CEACAM4: variants seen among roughly 807,000 people sequenced by gnomAD.
CEACAM4 encodes the protein cell adhesion molecule CEACAM4.
A neutral mutation model predicts 28.7 loss-of-function variants in CEACAM4; 30 were observed. The observed-to-expected ratio is 1.05, with a 90% CI of 0.78 to 1.42. The LOEUF (loss-of-function observed/expected upper bound fraction) is 1.42, where lower values mean the gene tolerates loss of function less well. Ranked by LOEUF, CEACAM4 falls within the 40% of genes most tolerant of loss-of-function variation. CEACAM4 has a pLI of 0.00. For synonymous variants in CEACAM4, 143 were observed against 126.5 expected (o/e 1.13, Z -0.87); for missense variants, 330 against 308.2 (o/e 1.07, Z -0.53).
downstream of CEACAM4, among the ~76,000 whole-genome samples, chr19:41,615,462 G>GGAT (rs1354915421): frequency 2.0e-5 from 3 of 152,040 alleles, no homozygotes; most frequent in Non-Finnish European, 4.4e-5. Flanking sequence ...CCTTGGGTGA[G>GGAT]GATGTCAGGG....
chr19:41,623,803 T>A (rs2071467269), intron 2 of CEACAM4, among the ~76,000 whole-genome samples: 1 of 152,178 alleles, frequency 6.6e-6, no homozygotes, highest in Non-Finnish European at 1.5e-5. Context: ...GGCATATTTT[T>A]AAATATTTAC....
chr19:41,616,586 G>T (rs528393676), downstream of CEACAM4, among the ~76,000 whole-genome samples: 6 of 152,180 alleles, frequency 3.9e-5, no homozygotes, highest in African/African-American at 1.2e-4. Context: ...CCCTGAGGAG[G>T]ATTATTTGCC....
At chr19:41,625,991 TG>T (rs782735398) in intron 1 of CEACAM4, 31 bp from the exon 2 acceptor site, 3 of 1,573,512 alleles carry the variant, frequency 1.9e-6, no homozygotes, top group Non-Finnish European at 2.6e-6. Flanking sequence ...CAGTCAATAC[TG>T]GGACCTATGG....
chr19:41,616,483 T>G (rs575539479), downstream of CEACAM4, among the ~76,000 whole-genome samples: 4 of 143,866 alleles, frequency 2.8e-5, no homozygotes, highest in South Asian at 4.5e-4. Flanking sequence ...TACATATAGA[T>G]AGATGATAGA....
At chr19:41,618,117 C>T (rs147185367), downstream of CEACAM4, among the ~76,000 whole-genome samples, 24 of 149,226 alleles carry the variant, frequency 1.6e-4, 1 homozygote, top group Middle Eastern at 3.4e-3. Context: ...AGATCATCAC[C>T]CTTCCAGGGG....
chr19:41,614,129 A>G (rs1453150924), downstream of CEACAM4, among the ~76,000 whole-genome samples: 2 of 152,216 alleles, frequency 1.3e-5, no homozygotes, highest in Non-Finnish European at 2.9e-5. Flanking sequence ...GCATGGCTAC[A>G]CTATGATCTT....
chr19:41,625,977 G>C lies in CEACAM4; in HGVS notation c.65-17C>G, dbSNP rs782049066. 18 of 1,594,806 alleles carry C rather than the reference G, an allele frequency of 1.1e-5. No individual in the cohort carries two copies. The highest frequency in any genetic ancestry group is 1.3e-5 in the Non-Finnish European group (15 of 1,170,086). Reference sequence around the variant, plus strand: ...AAAGTGAGGCTAGGAGGTGAAGACAGCATCAGTCAATACTGGGACCTATGG... The same window carrying C: ...AAAGTGAGGCTAGGAGGTGAAGACACCATCAGTCAATACTGGGACCTATGG... On this transcript the variant is annotated splice_polypyrimidine_tract_variant and intron_variant, in intron 1 of 6. Transcript: ENST00000221954.
In CEACAM4 at chr19:41,620,617, G is replaced by A; in HGVS notation, c.553C>T (p.Gln185Ter). 1 of 1,612,554 alleles carries A rather than the reference G, an allele frequency of 6.2e-7. No homozygotes were observed. The highest frequency in any genetic ancestry group is 8.5e-7 in the Non-Finnish European group (1 of 1,179,054). Residue 185 changes from glutamine to a stop codon, truncating the protein, a stop_gained, in exon 4 of 7, where the codon CAG (glutamine) becomes TAG (stop). Coordinates refer to ENST00000221954, the MANE Select transcript of CEACAM4 (RefSeq NM_001817.4). LOFTEE classifies it high-confidence loss of function. ...GGCGGCTGCTCCCTGAGGTCACGCT[G>A]GATGCTGGCCCTAGGAAAGGTCAGG... Reference protein sequence around the residue: ...LLSRTGRASIQRDLREQPPPA... With the variant: ...LLSRTGRASI
chr19:41,623,481 A>G (rs956319197), intron 2 of CEACAM4, among the ~76,000 whole-genome samples: 1 of 138,332 alleles, frequency 7.2e-6, no homozygotes, highest in Non-Finnish European at 1.5e-5. Context: ...GAAAGCCAGG[A>G]CATGATGTAC....
rs1230220977 is a variant in CEACAM4 at position 41,623,640 on chromosome 19, A to T, written c.425-1872T>A. Among the ~76,000 whole-genome samples, 6 of 151,840 alleles carry T rather than the reference A, an allele frequency of 4.0e-5. No individual in the cohort carries two copies. The East Asian group carries it at 9.7e-4, about 25-fold the overall frequency. ...GTTTTTTCTCTCCTTTAGGTGGGAC[A>T]TGATGGCTAGAGGGGGCTGGAGTTG... On this transcript the variant is annotated intron_variant, in intron 2 of 6. Coordinates refer to ENST00000221954, the MANE Select transcript of CEACAM4 (RefSeq NM_001817.4).
At chr19:41,622,348 G>T (rs2071343434) in intron 2 of CEACAM4, among the ~76,000 whole-genome samples, 1 of 152,160 alleles carries the variant, frequency 6.6e-6, no homozygotes, top group Non-Finnish European at 1.5e-5. Context: ...AAAGTGCTGG[G>T]ATTACAGGCA....
rs548327220 is a variant in CEACAM4, at chr19:41,620,181, A to G, written c.627+30T>C. 2.0e-5 allele frequency: 30 copies of G among 1,491,846 alleles called. No homozygotes were observed. In the South Asian group the frequency reaches 3.8e-4, roughly 19 times the overall value. The allele number at this position is 1,491,846 out of a possible 1,614,324, so 92.4% of individuals were successfully genotyped here. On this transcript the variant is annotated intron_variant, in intron 5 of 6. Coordinates refer to ENST00000221954, the MANE Select transcript of CEACAM4 (RefSeq NM_001817.4). ...GAGCCTGCACTGTTGGGACCCCAGT[A>G]GAAAAGGGCTGGGGAGGGAACAGGC...
chr19:41,615,551 G>A (rs1027709834), downstream of CEACAM4, among the ~76,000 whole-genome samples: 1 of 152,096 alleles, frequency 6.6e-6, no homozygotes, highest in African/African-American at 2.4e-5. Flanking sequence ...AAGGCCCCTG[G>A]TGAGAGAGGG....
chr19:41,627,056 C>T lies in CEACAM4; in HGVS notation c.-93G>A, dbSNP rs2071714414. On this transcript the variant is annotated 5_prime_UTR_variant, in exon 1 of 7. Transcript: ENST00000221954. ...CTGTGACTGTCGGCTGTCGGGGCTG[C>T]TGACCTTCCTCCTTCTGTGCTGAGC... 6 of 1,109,496 alleles carry T rather than the reference C, an allele frequency of 5.4e-6. No homozygotes were observed. Among genetic ancestry groups the T allele is most frequent in the Non-Finnish European group, 2.6e-6 (2 of 778,152 alleles). The allele number at this position is 1,109,496 out of a possible 1,614,324, so 68.7% of individuals were successfully genotyped here.
In CEACAM4 at chr19:41,625,857, G is replaced by T. The variant is rs138355384; in HGVS notation, c.168C>A (p.Cys56Ter). ...AEGKDVLLLA[C>*]NISETIQAYY... ...AGGCTTGAATAGTTTCTGAAATATT[G>T]CAGGCCAGTAGAAGAACATCCTTTC... is the stretch of plus-strand genomic sequence containing the variant. The change falls in exon 2 of 7, where the codon TGC (cysteine) becomes TGA (stop). Residue 56 changes from cysteine (C) to a stop codon, truncating the protein, a stop_gained. Transcript: ENST00000221954. LOFTEE classifies it high-confidence loss of function. 1.9e-6 allele frequency: 3 copies of T among 1,613,934 alleles called. No individual in the cohort carries two copies. Among genetic ancestry groups the T allele is most frequent in the Non-Finnish European group, 2.5e-6 (3 of 1,179,980 alleles).
intron 3 of CEACAM4, among the ~76,000 whole-genome samples, chr19:41,621,255 C>T (rs537231136): frequency 1.3e-5 from 2 of 152,112 alleles, no homozygotes; most frequent in African/African-American, 2.4e-5. Flanking sequence ...CTCCCCACTG[C>T]GTGACCATGC....
downstream of CEACAM4, among the ~76,000 whole-genome samples, chr19:41,616,898 C>T (rs146584908): frequency 6.4e-4 from 98 of 152,264 alleles, no homozygotes; most frequent in African/African-American, 2.3e-3. Flanking sequence ...AGGCTGTGAG[C>T]CCCCCAAGAG....
chr19:41,620,906 G>C lies in CEACAM4; in HGVS notation c.543-279C>G, dbSNP rs143855889. On this transcript the variant is annotated intron_variant, in intron 3 of 6. Coordinates refer to ENST00000221954, the MANE Select transcript of CEACAM4 (RefSeq NM_001817.4). ...GAAAGGGACTGAGGACTCAGGGAGGGAATCAGACCACCTGCGTTTGCCTGA... is the reference window on the plus strand; with the variant it reads ...GAAAGGGACTGAGGACTCAGGGAGGCAATCAGACCACCTGCGTTTGCCTGA... Among the ~76,000 whole-genome samples, 9 of 152,094 alleles carry C rather than the reference G, an allele frequency of 5.9e-5. No homozygotes were observed. The East Asian group carries it at 1.8e-3, about 30-fold the overall frequency.
At chr19:41,617,098 C>T (rs991496187), downstream of CEACAM4, among the ~76,000 whole-genome samples, 2 of 152,180 alleles carry the variant, frequency 1.3e-5, no homozygotes, top group Non-Finnish European at 2.9e-5. Context: ...CCTGCAGTTC[C>T]CTCCTATCTG....
Sources: allele counts gnomAD v4.1 joint callset (sites outside exome capture counted in the v4.1 genomes callset), GRCh38; gene constraint gnomAD v4.1.1; transcripts MANE v1.5; gene names NCBI Gene and HGNC (gene_info 2026-07-23, HGNC 2026-07-21).